Variants in TENM2 observed in about 807,000 individuals in gnomAD.
TENM2 encodes teneurin transmembrane protein 2, also known as teneurin-2.
TENM2 carries 52 observed loss-of-function variants against 245.2 expected under a neutral mutation model. That is an observed-to-expected ratio of 0.21 (90% confidence interval 0.17 to 0.27). TENM2 has a LOEUF of 0.27. Among genes scored for constraint, TENM2 ranks in the 10% least tolerant of loss-of-function variants. TENM2 has a pLI of 1.00. For synonymous variants in TENM2, 1,363 were observed against 1,438.9 expected (o/e 0.95, Z 1.19); for missense variants, 3,046 against 3,666.8 (o/e 0.83, Z 4.37).
At chr5:167,802,701 A>G (rs1292037378) in intron 2 of TENM2, among the ~76,000 whole-genome samples, 1 of 152,154 alleles carries the variant, frequency 6.6e-6, no homozygotes, top group Non-Finnish European at 1.5e-5. Flanking sequence ...ATTTCTTTGC[A>G]GCTTCTACTA....
intron 1 of TENM2, among the ~76,000 whole-genome samples, chr5:167,321,052 G>A (rs371137996): frequency 1.3e-5 from 2 of 152,050 alleles, no homozygotes; most frequent in African/African-American, 4.8e-5. Flanking sequence ...TGCATTTAGA[G>A]CCCCTGAAAT....
At chr5:167,297,256 G>A (rs1484540968) in intron 1 of TENM2, among the ~76,000 whole-genome samples, 2 of 152,132 alleles carry the variant, frequency 1.3e-5, no homozygotes, top group African/African-American at 2.4e-5. Flanking sequence ...GTTAATAAAT[G>A]CAATATAACC....
intron 2 of TENM2, among the ~76,000 whole-genome samples, chr5:167,650,659 C>T (rs1033019784): frequency 6.6e-6 from 1 of 152,090 alleles, no homozygotes; most frequent in African/African-American, 2.4e-5. Flanking sequence ...GACAAAATAA[C>T]ATTGAACTGA....
chr5:167,681,470 G>T (rs1370794342), intron 2 of TENM2, among the ~76,000 whole-genome samples: 3 of 152,076 alleles, frequency 2.0e-5, no homozygotes, highest in Admixed American at 6.6e-5. Flanking sequence ...AGCAATGATG[G>T]AATGAATAAC....
At chr5:168,016,298 C>T (rs1005850164) in intron 5 of TENM2, among the ~76,000 whole-genome samples, 1 of 152,212 alleles carries the variant, frequency 6.6e-6, no homozygotes, top group Admixed American at 6.5e-5. Flanking sequence ...CATAATGCTC[C>T]ATCACCTCCC....
chr5:168,177,536 G>T (rs1759464345), intron 13 of TENM2, among the ~76,000 whole-genome samples: 1 of 152,186 alleles, frequency 6.6e-6, no homozygotes, highest in African/African-American at 2.4e-5. Context: ...CCATAGAGTA[G>T]ATGCGAAGAT....
At chr5:167,350,891 G>GGATATATATATATGGATTA (rs1464489531) in intron 1 of TENM2, among the ~76,000 whole-genome samples, 7 of 29,582 alleles carry the variant, frequency 2.4e-4, no homozygotes, top group Admixed American at 9.4e-4. Context: ...TATATGGGAT[G>GGATATATATATATGGATTA]TATACATATG....
In TENM2 at chr5:168,133,164, G is replaced by A. The variant is rs547040161; in HGVS notation, c.2422+6198G>A. Among the ~76,000 whole-genome samples the A allele has an allele frequency of 2.8e-4, 43 of 152,244 alleles. No homozygotes were observed. The South Asian group carries it at 8.5e-3, about 30-fold the overall frequency. ...CAAACTTGAGATGCTTTTCATTGGT[G>A]TACAAATATACCTTATTGAATAGTC... is the stretch of plus-strand genomic sequence containing the variant. On this transcript the variant is annotated intron_variant, in intron 12 of 28. Transcript: ENST00000518659.
At chr5:168,031,276 G>A (rs897832083) in intron 5 of TENM2, among the ~76,000 whole-genome samples, 2 of 152,200 alleles carry the variant, frequency 1.3e-5, no homozygotes, top group African/African-American at 2.4e-5. Flanking sequence ...TGTAAAATGA[G>A]TCTGGAGAAG....
chr5:167,094,942 C>G, the TENM2 span, among the ~76,000 whole-genome samples: 2 of 151,902 alleles, frequency 1.3e-5, no homozygotes, highest in Non-Finnish European at 2.9e-5. Context: ...TGTACCAGGC[C>G]CTGAGTTGGG....
chr5:167,253,347 C>G, the TENM2 span, among the ~76,000 whole-genome samples: 4 of 151,628 alleles, frequency 2.6e-5, no homozygotes, highest in South Asian at 8.3e-4. Flanking sequence ...ATCCACCCAC[C>G]TCGGCCTCCC....
chr5:167,555,955 G>A (rs975200707), intron 2 of TENM2, among the ~76,000 whole-genome samples: 31 of 152,134 alleles, frequency 2.0e-4, no homozygotes, highest in African/African-American at 7.2e-4. Context: ...AAAGTGAGCC[G>A]CATTAGTTCT....
Position 167,488,541 on chromosome 5 carries a change from A to C in TENM2, c.502+113068A>C, listed in dbSNP as rs577329870. Among the ~76,000 whole-genome samples, 61 of 152,200 alleles carry C rather than the reference A, an allele frequency of 4.0e-4. 1 individual carries two copies. In the East Asian group the frequency reaches 0.011, roughly 27 times the overall value. On this transcript the variant is annotated intron_variant, in intron 2 of 28. Transcript: ENST00000518659. Reference sequence around the variant, plus strand: ...GGATGGTTTTGCTCGTGACTCATTAACTACTGTTCTTCAGTCTCCTTTGCT... The same window carrying C: ...GGATGGTTTTGCTCGTGACTCATTACCTACTGTTCTTCAGTCTCCTTTGCT...
At position 167,563,609 on chromosome 5, in the gene TENM2, C is replaced by T. The variant is rs1463265077; in HGVS notation, c.502+188136C>T. Among the ~76,000 whole-genome samples the T allele has an allele frequency of 3.3e-5, 5 of 152,240 alleles. No individual in the cohort carries two copies. In the East Asian group the frequency reaches 9.7e-4, roughly 29 times the overall value. ...CAGAAGTATTAATTTTATAGTTTAG[C>T]AAATACGGTAATGCACCAAATAACA... On this transcript the variant is annotated intron_variant, in intron 2 of 28. Transcript: ENST00000518659.
intron 4 of TENM2, among the ~76,000 whole-genome samples, chr5:167,956,810 C>T (rs1361595825): frequency 6.6e-6 from 1 of 152,110 alleles, no homozygotes; most frequent in African/African-American, 2.4e-5. Context: ...CCTTGCATCC[C>T]AGGGATGAAA....
intron 5 of TENM2, among the ~76,000 whole-genome samples, chr5:168,044,198 G>A (rs1305361221): frequency 1.3e-5 from 2 of 152,138 alleles, no homozygotes; most frequent in East Asian, 1.9e-4. Context: ...GGTGGATCAC[G>A]AGGTCAGGAG....
chr5:167,499,724 T>C (rs1220110081), intron 2 of TENM2, among the ~76,000 whole-genome samples: 1 of 152,108 alleles, frequency 6.6e-6, no homozygotes, highest in East Asian at 1.9e-4. Flanking sequence ...ATGAAATGCA[T>C]GCTAAGGTAG....
intron 13 of TENM2, among the ~76,000 whole-genome samples, chr5:168,181,027 C>T (rs1351703105): frequency 6.6e-6 from 1 of 152,208 alleles, no homozygotes; most frequent in Non-Finnish European, 1.5e-5. Context: ...TTCAGCAACG[C>T]TGGTTTAAAG....
intron 2 of TENM2, among the ~76,000 whole-genome samples, chr5:167,510,826 T>C (rs1250325675): frequency 2.0e-5 from 3 of 152,196 alleles, no homozygotes; most frequent in Non-Finnish European, 4.4e-5. Context: ...TGTTTTGTTG[T>C]GTATGATGTG....
Sources: gnomAD v4.1 joint callset for allele counts (sites outside exome capture counted in the v4.1 genomes callset) on GRCh38, gnomAD v4.1.1 for gene constraint, MANE v1.5 for transcripts, NCBI Gene and HGNC (gene_info 2026-07-23, HGNC 2026-07-21) for gene names.